GRB10: variants seen among roughly 807,000 people sequenced by gnomAD.
GRB10 encodes growth factor receptor bound protein 10, also known as growth factor receptor-bound protein 10.
Under a neutral mutation model 80.9 loss-of-function variants are expected in GRB10, and 20 were observed. The ratio of observed to expected loss-of-function variants is 0.25; its 90% CI spans 0.17 to 0.36. The LOEUF (loss-of-function observed/expected upper bound fraction) is 0.36, where lower values mean the gene tolerates loss of function less well. Among genes scored for constraint, GRB10 ranks in the 10% least tolerant of loss-of-function variants. The probability of loss-of-function intolerance (pLI) is 1.00; values close to 1 mark genes in which losing one functional copy is unlikely to be tolerated. For missense variants in GRB10, 548 were observed against 747.7 expected (o/e 0.73, Z 3.12); for synonymous variants, 291 against 291.5 (o/e 1.00, Z 0.02).
intron 5 of GRB10, among the ~76,000 whole-genome samples, chr7:50,680,829 G>A (rs926664150): frequency 1.3e-5 from 2 of 152,056 alleles, no homozygotes; most frequent in African/African-American, 4.8e-5. Flanking sequence ...ACAAATGCAG[G>A]CTAGTGTATC....
At chr7:50,694,212 T>C (rs2063169976) in intron 5 of GRB10, among the ~76,000 whole-genome samples, 1 of 152,176 alleles carries the variant, frequency 6.6e-6, no homozygotes, top group African/African-American at 2.4e-5. Context: ...TAATCTCAGC[T>C]ACTTGGGAGG....
intron 2 of GRB10, among the ~76,000 whole-genome samples, chr7:50,765,334 A>G (rs925409758): frequency 1.3e-5 from 2 of 152,226 alleles, no homozygotes; most frequent in Non-Finnish European, 2.9e-5. Flanking sequence ...CCCAAAAGAA[A>G]GGATCTGTAT....
intron 5 of GRB10, among the ~76,000 whole-genome samples, chr7:50,684,852 T>C (rs895693866): frequency 2.0e-5 from 3 of 152,204 alleles, no homozygotes; most frequent in Non-Finnish European, 4.4e-5. Flanking sequence ...TCCTAACTCT[T>C]CTATTACATC....
At chr7:50,612,528 A>C (rs1355169998) in intron 13 of GRB10, among the ~76,000 whole-genome samples, 1 of 152,140 alleles carries the variant, frequency 6.6e-6, no homozygotes, top group Non-Finnish European at 1.5e-5. Flanking sequence ...GAGTCCGGAA[A>C]ACCTAGCTCT....
At chr7:50,741,483 A>G (rs960149716) in intron 3 of GRB10, among the ~76,000 whole-genome samples, 2 of 150,054 alleles carry the variant, frequency 1.3e-5, no homozygotes, top group African/African-American at 4.9e-5. Context: ...CAGGGACCGT[A>G]GGCCAATGTG....
chr7:50,792,583 G>A (rs1035073443), intron 1 of GRB10: 18 of 398,064 alleles, frequency 4.5e-5, no homozygotes, highest in Admixed American at 1.8e-4. Flanking sequence ...CTGGCGGGCG[G>A]CTAATCCGCG....
intron 2 of GRB10, among the ~76,000 whole-genome samples, chr7:50,778,545 C>T (rs1231319701): frequency 6.6e-6 from 1 of 152,160 alleles, no homozygotes; most frequent in Non-Finnish European, 1.5e-5. Context: ...ACAGTGGAGC[C>T]TTATACACAG....
At chr7:50,595,834 C>T (rs937298118) in intron 17 of GRB10, 29 of 317,418 alleles carry the variant, frequency 9.1e-5, no homozygotes, top group South Asian at 5.0e-4. Context: ...TATTTTGTGC[C>T]TGCATATCAA....
intron 5 of GRB10, among the ~76,000 whole-genome samples, chr7:50,676,207 C>T (rs987971252): frequency 5.9e-5 from 9 of 151,972 alleles, no homozygotes; most frequent in Non-Finnish European, 1.3e-4. Context: ...AAGCAGAGAC[C>T]GGCACTTGCA....
chr7:50,724,004 T>C (rs928447024), intron 4 of GRB10, among the ~76,000 whole-genome samples: 34 of 152,276 alleles, frequency 2.2e-4, no homozygotes, highest in African/African-American at 7.5e-4. Context: ...ATCAGGCCTA[T>C]AGGGAAGAGT....
At chr7:50,655,320 C>A (rs879807249) in intron 7 of GRB10, among the ~76,000 whole-genome samples, 11 of 152,172 alleles carry the variant, frequency 7.2e-5, no homozygotes, top group Admixed American at 2.6e-4. Context: ...TTTCCCCTGG[C>A]CCTTCATGCT....
At chr7:50,701,619 G>A (rs1331561535) in intron 5 of GRB10, among the ~76,000 whole-genome samples, 1 of 152,260 alleles carries the variant, frequency 6.6e-6, no homozygotes, top group South Asian at 2.1e-4. Context: ...TCATTCGTTT[G>A]GTGAAGACTA....
intron 3 of GRB10, among the ~76,000 whole-genome samples, chr7:50,741,984 G>T (rs2071844138): frequency 6.7e-6 from 1 of 149,864 alleles, no homozygotes; most frequent in Non-Finnish European, 1.5e-5. Context: ...AATAAATTTT[G>T]AACATTACTG....
In GRB10 at chr7:50,756,035, A is replaced by C. The variant is rs977249100; in HGVS notation, c.-195T>G. 1 of 398,624 alleles carries C rather than the reference A, an allele frequency of 2.5e-6. No homozygotes were observed. The highest frequency in any genetic ancestry group is 4.4e-5 in the Admixed American group (1 of 22,722). 24.7% of individuals were successfully genotyped at this position (398,624 alleles called of 1,614,324 possible). Reference sequence around the variant, plus strand: ...GGCCTGCAGCTGCTGCTTCCTGCTCAGCATTGTGGTCAGCGCCAAAGCTGG... The same window carrying C: ...GGCCTGCAGCTGCTGCTTCCTGCTCCGCATTGTGGTCAGCGCCAAAGCTGG... On this transcript the variant is annotated 5_prime_UTR_variant, in exon 3 of 19. Transcript: ENST00000401949.
chr7:50,636,919 A>G (rs943474421), intron 7 of GRB10, among the ~76,000 whole-genome samples: 2 of 152,222 alleles, frequency 1.3e-5, no homozygotes, highest in Admixed American at 1.3e-4. Flanking sequence ...AGGTATCCAC[A>G]TTGAAGAAGA....
At chr7:50,734,717 G>A (rs1351856509) in intron 3 of GRB10, among the ~76,000 whole-genome samples, 6 of 152,230 alleles carry the variant, frequency 3.9e-5, no homozygotes, top group Admixed American at 2.0e-4. Context: ...TGGCTTCTCC[G>A]CCAGGAAAAT....
At chr7:50,602,487 A>G (rs2047778239) in intron 17 of GRB10, among the ~76,000 whole-genome samples, 1 of 152,242 alleles carries the variant, frequency 6.6e-6, no homozygotes, top group Admixed American at 6.5e-5. Flanking sequence ...ACCACTCCCC[A>G]GGAATCAGGG....
intron 5 of GRB10, among the ~76,000 whole-genome samples, chr7:50,687,307 T>A (rs1200546198): frequency 6.6e-6 from 1 of 152,202 alleles, no homozygotes; most frequent in Non-Finnish European, 1.5e-5. Context: ...TCCCCAGCAG[T>A]CAGGCCTTAC....
intron 4 of GRB10, among the ~76,000 whole-genome samples, chr7:50,731,761 C>T (rs1335914328): frequency 6.6e-6 from 1 of 152,218 alleles, no homozygotes; most frequent in Non-Finnish European, 1.5e-5. Context: ...CCACCTAGGG[C>T]TCTCAGGAAA....
Sources: gnomAD v4.1 joint callset for allele counts (sites outside exome capture counted in the v4.1 genomes callset) on GRCh38, gnomAD v4.1.1 for gene constraint, MANE v1.5 for transcripts, NCBI Gene and HGNC (gene_info 2026-07-23, HGNC 2026-07-21) for gene names.